The following RAD54L2 variants were observed in gnomAD, a reference collection of about 807,000 sequenced individuals.
RAD54L2 encodes helicase ARIP4.
A neutral mutation model predicts 138.4 loss-of-function variants in RAD54L2; 27 were observed. The observed-to-expected ratio is 0.20, with a 90% CI of 0.14 to 0.27. The LOEUF (loss-of-function observed/expected upper bound fraction) is 0.27, where lower values mean the gene tolerates loss of function less well. Among genes scored for constraint, RAD54L2 ranks in the 10% least tolerant of loss-of-function variants. RAD54L2 has a pLI of 1.00. For missense variants in RAD54L2, 1,396 were observed against 1,890.2 expected (o/e 0.74, Z 4.85); for synonymous variants, 644 against 723.2 (o/e 0.89, Z 1.76).
At chr3:51,650,413 A>G (rs1040313256) in intron 19 of RAD54L2, among the ~76,000 whole-genome samples, 2 of 152,170 alleles carry the variant, frequency 1.3e-5, no homozygotes, top group African/African-American at 2.4e-5. Context: ...CAGGACTTGA[A>G]CTCAGCTCTG....
chr3:51,649,661 G>A (rs1176123877), intron 19 of RAD54L2, among the ~76,000 whole-genome samples: 1 of 152,162 alleles, frequency 6.6e-6, no homozygotes, highest in Admixed American at 6.5e-5. Context: ...TTAATGAAAA[G>A]AATTTTCAAC....
At chr3:51,607,327 T>G (rs1700209397) in intron 3 of RAD54L2, among the ~76,000 whole-genome samples, 1 of 152,068 alleles carries the variant, frequency 6.6e-6, no homozygotes, top group African/African-American at 2.4e-5. Context: ...GTATGCTGCC[T>G]TCAAGCATCT....
At chr3:51,604,038 G>A (rs1049483302) in intron 3 of RAD54L2, among the ~76,000 whole-genome samples, 1 of 152,170 alleles carries the variant, frequency 6.6e-6, no homozygotes. Context: ...AGTAAGAGGC[G>A]ATGATAGCTT....
At chr3:51,560,917 A>AT (rs1429104650) in intron 2 of RAD54L2, among the ~76,000 whole-genome samples, 4 of 152,248 alleles carry the variant, frequency 2.6e-5, no homozygotes, top group Non-Finnish European at 5.9e-5. Context: ...GGTCCAAAGA[A>AT]TTTAAGTAGC....
chr3:51,608,151 G>T (rs1232867163), intron 3 of RAD54L2, among the ~76,000 whole-genome samples: 69 of 151,732 alleles, frequency 4.5e-4, no homozygotes, highest in Admixed American at 2.4e-3. Flanking sequence ...CCCAGACGAG[G>T]TGGCGGCGGG....
In RAD54L2 at chr3:51,645,832, G is replaced by A; in HGVS notation, c.2829+69G>A. 1 of 1,458,076 alleles carries A rather than the reference G, an allele frequency of 6.9e-7. No homozygotes were observed. The highest frequency in any genetic ancestry group is 9.2e-7 in the Non-Finnish European group (1 of 1,090,502). 90.3% of individuals were successfully genotyped at this position (1,458,076 alleles called of 1,614,324 possible). Reference sequence around the variant, plus strand: ...CTGTCAAAGGAGGCTTGTCTTGTAAGCTTTTTTCTTCATCTGAGGTGATGT... The same window carrying A: ...CTGTCAAAGGAGGCTTGTCTTGTAAACTTTTTTCTTCATCTGAGGTGATGT... On this transcript the variant is annotated intron_variant, in intron 18 of 22. Transcript: ENST00000684192. The surrounding 1 kb of genome is among the most constrained non-coding windows in gnomAD (Gnocchi z 6.1).
intron 2 of RAD54L2, among the ~76,000 whole-genome samples, chr3:51,576,603 C>A (rs1313685107): frequency 1.3e-5 from 2 of 152,070 alleles, no homozygotes; most frequent in East Asian, 1.9e-4. Flanking sequence ...GGAATTTATC[C>A]ATTTTTTCTA....
At chr3:51,659,199 G>A (rs963545810) in intron 21 of RAD54L2, among the ~76,000 whole-genome samples, 2 of 140,962 alleles carry the variant, frequency 1.4e-5, no homozygotes, top group Admixed American at 7.6e-5. Context: ...TCCACCTCCC[G>A]GGTTCATGCC....
In RAD54L2 at chr3:51,634,110, C is replaced by CT. The variant is rs886815435; in HGVS notation, c.1142+78dup. 3 of 1,526,216 alleles carry CT rather than the reference C, an allele frequency of 2.0e-6. No homozygotes were observed. The African/African-American group carries it at 4.1e-5, about 21-fold the overall frequency. The allele number at this position is 1,526,216 out of a possible 1,614,324, so 94.5% of individuals were successfully genotyped here. On this transcript the variant is annotated intron_variant, in intron 9 of 22. Transcript: ENST00000684192. Reference sequence around the variant, plus strand: ...CCGTGATCTGATGTTAAGGCAGTCTCTTTGAGTGTGTAGCCTGTGCATCTA... The same window carrying CT: ...CCGTGATCTGATGTTAAGGCAGTCTCTTTTGAGTGTGTAGCCTGTGCATCTA...
chr3:51,598,451 A>G (rs1054691222), intron 3 of RAD54L2, among the ~76,000 whole-genome samples: 4 of 151,996 alleles, frequency 2.6e-5, no homozygotes, highest in Non-Finnish European at 4.4e-5. Flanking sequence ...TAAAAATCCT[A>G]GAGGGGATGG....
intron 2 of RAD54L2, among the ~76,000 whole-genome samples, chr3:51,580,655 AT>A (rs1015915856): frequency 6.6e-5 from 10 of 152,174 alleles, no homozygotes; most frequent in African/African-American, 2.4e-4. Flanking sequence ...CACGTAGGAA[AT>A]TCCAAGGATT....
rs1353870350 is a variant in RAD54L2 at position 51,620,415 on chromosome 3, T to C, written c.140-7138T>C. Among the ~76,000 whole-genome samples, 13 of 148,258 alleles carry C rather than the reference T, an allele frequency of 8.8e-5. 1 individual carries two copies. In the Admixed American group the frequency reaches 8.8e-4, roughly 10 times the overall value. ...GGCCTGGTCCTACTGGTCTTTTTTTTTTTTTTTTTTTTTTTTAACTTTTAG... is the reference window on the plus strand; with the variant it reads ...GGCCTGGTCCTACTGGTCTTTTTTTCTTTTTTTTTTTTTTTTAACTTTTAG... On this transcript the variant is annotated intron_variant, in intron 3 of 22. Coordinates refer to ENST00000684192, the MANE Select transcript of RAD54L2 (RefSeq NM_015106.4).
intron 3 of RAD54L2, among the ~76,000 whole-genome samples, chr3:51,597,869 G>T (rs532891762): frequency 7.1e-4 from 107 of 151,320 alleles, no homozygotes; most frequent in Non-Finnish European, 1.3e-3. Context: ...CAGGAGATTC[G>T]CTTAAACCTG....
At chr3:51,544,102 C>CCTA (rs1577377885) in intron 2 of RAD54L2, among the ~76,000 whole-genome samples, 3 of 152,044 alleles carry the variant, frequency 2.0e-5, no homozygotes, top group African/African-American at 7.2e-5. Context: ...TAGTTTATTA[C>CCTA]CTACTTCAAG....
chr3:51,541,129 A>C (rs1698538235), intron 1 of RAD54L2: 1 of 151,580 alleles, frequency 6.6e-6, no homozygotes, highest in Non-Finnish European at 1.5e-5. Context: ...TTTGCCAGGC[A>C]CTGCTTTGGG....
chr3:51,647,304 G>A (rs1224402466), intron 19 of RAD54L2, among the ~76,000 whole-genome samples: 1 of 152,184 alleles, frequency 6.6e-6, no homozygotes, highest in Non-Finnish European at 1.5e-5. Context: ...CTGGGCTCAG[G>A]TGATCCTCAC....
Position 51,630,369 on chromosome 3 carries a change from T to C in RAD54L2, c.579T>C (p.Asp193=). ...ICLDSSSGSE[D]EKSSRDEVIE... is the part of the protein sequence containing the mutation. ...TGGACAGTAGCAGTGGCAGTGAGGA[T>C]GAAAAAAGCAGTCGAGATGGTAAGA... The change falls in exon 6 of 23, where the codon GAT becomes GAC. Residue 193 remains aspartate (D), a synonymous_variant. Coordinates refer to ENST00000684192, the MANE Select transcript of RAD54L2 (RefSeq NM_015106.4). The C allele has an allele frequency of 6.2e-7, 1 of 1,613,856 alleles. No individual in the cohort carries two copies. Among genetic ancestry groups the C allele is most frequent in the Non-Finnish European group, 8.5e-7 (1 of 1,179,790 alleles).
In RAD54L2 at chr3:51,646,439, A is replaced by C; in HGVS notation, c.2984A>C (p.Asp995Ala). The C allele has an allele frequency of 6.2e-7, 1 of 1,613,644 alleles. No individual in the cohort carries two copies. The highest frequency in any genetic ancestry group is 8.5e-7 in the Non-Finnish European group (1 of 1,179,746). Residue 995 changes from aspartate (D) to alanine (A), a missense_variant, in exon 19 of 23, where the codon GAT becomes GCT. Physicochemically the swap from Asp to Ala is moderately radical, Grantham distance 126 (BLOSUM62 -2). Transcript: ENST00000684192. ...TATGCGCAGTATTACCCTGCCAGCG[A>C]TCAGAGCCTGACCAGCATCCCCGCC... is the stretch of plus-strand genomic sequence containing the variant. ...PSYAQYYPAS[D>A]QSLTSIPAFS...
chr3:51,577,570 T>G (rs1285971365), intron 2 of RAD54L2, among the ~76,000 whole-genome samples: 3 of 152,226 alleles, frequency 2.0e-5, no homozygotes, highest in African/African-American at 7.2e-5. Flanking sequence ...TAGCTCTTCT[T>G]GTCGAATTGA....
Sources: allele counts gnomAD v4.1 joint callset (sites outside exome capture counted in the v4.1 genomes callset), GRCh38; gene constraint gnomAD v4.1.1; non-coding constraint Gnocchi (gnomAD v3.1); transcripts MANE v1.5; gene names NCBI Gene and HGNC (gene_info 2026-07-23, HGNC 2026-07-21).